CADPS2: variants seen among roughly 807,000 people sequenced by gnomAD.
The protein encoded by CADPS2 is calcium dependent secretion activator 2.
Under a neutral mutation model 172.5 loss-of-function variants are expected in CADPS2, and 93 were observed. The ratio of observed to expected loss-of-function variants is 0.54; its 90% confidence interval spans 0.46 to 0.64. CADPS2 has a LOEUF of 0.64. Among genes scored for constraint, CADPS2 ranks in the 30% least tolerant of loss-of-function variants. The probability of loss-of-function intolerance (pLI) is 0.00; values close to 1 mark genes in which losing one functional copy is unlikely to be tolerated. For missense variants in CADPS2, 1,420 were observed against 1,565.9 expected (o/e 0.91, Z 1.57); for synonymous variants, 546 against 555.2 (o/e 0.98, Z 0.23).
At chr7:122,767,372 G>A (rs184569920) in intron 1 of CADPS2, among the ~76,000 whole-genome samples, 1 of 152,224 alleles carries the variant, frequency 6.6e-6, no homozygotes, top group East Asian at 1.9e-4. Flanking sequence ...ATAGAGCTGG[G>A]ATTCAAAACC....
chr7:122,485,963 G>T (rs1307436451), intron 11 of CADPS2, among the ~76,000 whole-genome samples: 1 of 152,118 alleles, frequency 6.6e-6, no homozygotes, highest in African/African-American at 2.4e-5. Context: ...AGATGATGGT[G>T]CATCTGTTTA....
At chr7:122,488,154 G>A (rs894256211) in intron 11 of CADPS2, among the ~76,000 whole-genome samples, 13 of 152,050 alleles carry the variant, frequency 8.5e-5, no homozygotes, top group African/African-American at 3.1e-4. Context: ...AAACTCGGAG[G>A]GAAAAAAATA....
intron 1 of CADPS2, among the ~76,000 whole-genome samples, chr7:122,771,101 T>A (rs945343045): frequency 3.3e-5 from 5 of 152,138 alleles, no homozygotes; most frequent in African/African-American, 1.2e-4. Flanking sequence ...ATTTAATTGG[T>A]CTGGGGCAGG....
In CADPS2 at chr7:122,742,982, G is replaced by C. The variant is rs561329627; in HGVS notation, c.340-5914C>G. 2.4e-3 allele frequency among the ~76,000 whole-genome samples: 368 copies of C among 152,120 alleles called. 4 individuals carry two copies. Among genetic ancestry groups the C allele is most frequent in the African/African-American group, 8.7e-3 (361 of 41,526 alleles). On this transcript the variant is annotated intron_variant, in intron 1 of 29. Transcript: ENST00000449022. ...TCAATTAATATTATTTGGGGCAGTT[G>C]ATTTATTATTATTTAGCATATGTTT...
Position 122,589,640 on chromosome 7 carries a change from T to C in CADPS2, c.1224-8350A>G, listed in dbSNP as rs147346629. Among the ~76,000 whole-genome samples, 13 of 152,050 alleles carry C rather than the reference T, an allele frequency of 8.5e-5. No homozygotes were observed. The East Asian group carries it at 2.5e-3, about 29-fold the overall frequency. ...GTGGCTGCTGACACGTCGTTTACTA[T>C]GATCCAAACTATAAGAGATAAAGAA... On this transcript the variant is annotated intron_variant, in intron 6 of 29. Transcript: ENST00000449022.
chr7:122,522,404 T>G (rs1486573205), intron 8 of CADPS2, among the ~76,000 whole-genome samples: 1 of 152,046 alleles, frequency 6.6e-6, no homozygotes, highest in Admixed American at 6.6e-5. Context: ...TGTGAGCCAC[T>G]GCATCTGGCC....
intron 1 of CADPS2, among the ~76,000 whole-genome samples, chr7:122,813,512 T>C (rs560535701): frequency 1.3e-4 from 20 of 152,202 alleles, no homozygotes; most frequent in African/African-American, 4.6e-4. Context: ...TCAAAAACCA[T>C]TCAAAACTAC....
intron 28 of CADPS2, among the ~76,000 whole-genome samples, chr7:122,327,791 T>C (rs893680036): frequency 1.3e-5 from 2 of 151,880 alleles, no homozygotes; most frequent in Non-Finnish European, 2.9e-5. Flanking sequence ...AATTTGGGAA[T>C]AAAATGATCT....
At chr7:122,348,140 T>C (rs1421992077) in intron 27 of CADPS2, among the ~76,000 whole-genome samples, 1 of 152,202 alleles carries the variant, frequency 6.6e-6, no homozygotes, top group Non-Finnish European at 1.5e-5. Flanking sequence ...TTCCATCTTT[T>C]AAAGGCCACT....
intron 1 of CADPS2, among the ~76,000 whole-genome samples, chr7:122,826,078 C>T (rs1266640409): frequency 6.6e-6 from 1 of 152,182 alleles, no homozygotes; most frequent in Non-Finnish European, 1.5e-5. Flanking sequence ...AAGGCAGCAC[C>T]CTTCCATTTC....
intron 1 of CADPS2, among the ~76,000 whole-genome samples, chr7:122,742,402 T>A (rs1171896051): frequency 6.6e-6 from 1 of 151,330 alleles, no homozygotes; most frequent in Non-Finnish European, 1.5e-5. Context: ...AAAAAAAAAA[T>A]TAATTAAAAT....
chr7:122,833,557 T>C (rs1303544256), intron 1 of CADPS2, among the ~76,000 whole-genome samples: 1 of 151,668 alleles, frequency 6.6e-6, no homozygotes, highest in Non-Finnish European at 1.5e-5. Flanking sequence ...TTTGTTTTGT[T>C]TTGTTTTTTT....
chr7:122,688,609 T>C (rs1034822318), intron 2 of CADPS2, among the ~76,000 whole-genome samples: 3 of 152,238 alleles, frequency 2.0e-5, no homozygotes, highest in Non-Finnish European at 2.9e-5. Context: ...GCTGTGCTGC[T>C]GGCTCTCCCT....
chr7:122,592,831 C>T lies in CADPS2; in HGVS notation c.1224-11541G>A, dbSNP rs186872542. 4.1e-3 allele frequency among the ~76,000 whole-genome samples: 559 copies of T among 136,188 alleles called. 5 individuals carry two copies. The highest frequency in any genetic ancestry group is 0.015 in the Middle Eastern group (4 of 270). The allele number at this position is 136,188 out of a possible 152,430, so 89.3% of individuals were successfully genotyped here. ...GGTGGGGAACATCACACACTGGGGCCTTCCAGGGGGATGGGGGGAGGGGGG... is the reference window on the plus strand; with the variant it reads ...GGTGGGGAACATCACACACTGGGGCTTTCCAGGGGGATGGGGGGAGGGGGG... On this transcript the variant is annotated intron_variant, in intron 6 of 29. Transcript: ENST00000449022.
intron 7 of CADPS2, among the ~76,000 whole-genome samples, chr7:122,576,779 T>TC (rs1309832006): frequency 1.3e-5 from 2 of 151,504 alleles, no homozygotes; most frequent in African/African-American, 4.8e-5. Context: ...TCTGATTTTT[T>TC]TTTTTTTTTT....
At chr7:122,478,767 T>G (rs973766186) in intron 12 of CADPS2, among the ~76,000 whole-genome samples, 1 of 152,036 alleles carries the variant, frequency 6.6e-6, no homozygotes, top group Non-Finnish European at 1.5e-5. Context: ...GCCCCTTAAG[T>G]GCCCAAGAAT....
chr7:122,593,445 A>G (rs1253850636), intron 6 of CADPS2, among the ~76,000 whole-genome samples: 1 of 152,056 alleles, frequency 6.6e-6, no homozygotes, highest in East Asian at 1.9e-4. Context: ...GGAAACCACC[A>G]ATAAGTGAAA....
At chr7:122,537,709 A>C (rs1364715030) in intron 8 of CADPS2, among the ~76,000 whole-genome samples, 2 of 151,864 alleles carry the variant, frequency 1.3e-5, no homozygotes, top group African/African-American at 4.8e-5. Flanking sequence ...GAAATAATGA[A>C]GATTTGGGAG....
intron 3 of CADPS2, among the ~76,000 whole-genome samples, chr7:122,644,905 T>TA (rs2078134226): frequency 6.6e-6 from 1 of 152,074 alleles, no homozygotes; most frequent in African/African-American, 2.4e-5. Context: ...AATTATGCAT[T>TA]AAAAAATCTG....
Sources: gnomAD v4.1 joint callset for allele counts (sites outside exome capture counted in the v4.1 genomes callset) on GRCh38, gnomAD v4.1.1 for gene constraint, MANE v1.5 for transcripts, NCBI Gene and HGNC (gene_info 2026-07-23, HGNC 2026-07-21) for gene names.